The following DPP10 variants were observed in gnomAD, a reference collection of about 807,000 sequenced individuals.
The protein encoded by DPP10 is inactive dipeptidyl peptidase 10.
In DPP10, 33 loss-of-function variants were observed where a neutral mutation model predicts 120.9. The observed-to-expected ratio is 0.27, with a 90% CI of 0.21 to 0.37. The LOEUF is 0.37. Among genes scored for constraint, DPP10 ranks in the 10% least tolerant of loss-of-function variants. DPP10 has a pLI of 1.00. For synonymous variants in DPP10, 337 were observed against 326.1 expected (o/e 1.03, Z -0.36); for missense variants, 816 against 942.8 (o/e 0.87, Z 1.76).
rs2070635720 is a variant in DPP10, at chr2:115,428,020, A to G, written c.272-71490A>G. On this transcript the variant is annotated intron_variant, in intron 3 of 25. Coordinates refer to ENST00000410059, the MANE Select transcript of DPP10 (RefSeq NM_020868.6). ...CTCTCTGAAGTTCAAACTTCCACAG[A>G]TCCTTAGGGCATGAACAGAATCCAG... Among the ~76,000 whole-genome samples the G allele has an allele frequency of 5.9e-5, 9 of 152,268 alleles. No individual in the cohort carries two copies. The South Asian group carries it at 1.9e-3, about 32-fold the overall frequency.
At chr2:115,476,315 G>T (rs906677267) in intron 3 of DPP10, among the ~76,000 whole-genome samples, 1 of 152,082 alleles carries the variant, frequency 6.6e-6, no homozygotes, top group Non-Finnish European at 1.5e-5. Context: ...TTCTGCAGCC[G>T]TGTAAGACAT....
chr2:115,766,330 A>G (rs1465436394), intron 12 of DPP10, among the ~76,000 whole-genome samples: 35 of 88,190 alleles, frequency 4.0e-4, no homozygotes, highest in Middle Eastern at 6.0e-3. Context: ...ATATATGTAT[A>G]TATATATGTA....
intron 1 of DPP10, among the ~76,000 whole-genome samples, chr2:114,781,731 T>C (rs1465431725): frequency 6.6e-6 from 1 of 152,024 alleles, no homozygotes; most frequent in African/African-American, 2.4e-5. Context: ...ATGATCTTTT[T>C]CAAAAGGGCC....
intron 3 of DPP10, among the ~76,000 whole-genome samples, chr2:115,375,853 C>G (rs1053273088): frequency 6.6e-6 from 1 of 152,136 alleles, no homozygotes; most frequent in Non-Finnish European, 1.5e-5. Flanking sequence ...ATGAAAACAA[C>G]AAGAAGAAAA....
At chr2:115,796,884 CAGA>C (rs1684592214) in intron 19 of DPP10, among the ~76,000 whole-genome samples, 1 of 152,032 alleles carries the variant, frequency 6.6e-6, no homozygotes, top group African/African-American at 2.4e-5. Flanking sequence ...CCCAAGTTCA[CAGA>C]AGGAAAAGTT....
intron 24 of DPP10, among the ~76,000 whole-genome samples, chr2:115,837,988 T>C (rs1689709936): frequency 6.6e-6 from 1 of 152,002 alleles, no homozygotes; most frequent in Admixed American, 6.6e-5. Flanking sequence ...CAAGAAAAAC[T>C]AGTGCACCCC....
intron 3 of DPP10, among the ~76,000 whole-genome samples, chr2:115,423,295 A>G (rs2070149677): frequency 6.6e-6 from 1 of 152,128 alleles, no homozygotes; most frequent in Non-Finnish European, 1.5e-5. Flanking sequence ...GCCACATCTG[A>G]AGTACTCAAA....
chr2:115,316,062 A>C (rs1159930931), intron 2 of DPP10, among the ~76,000 whole-genome samples: 1 of 152,180 alleles, frequency 6.6e-6, no homozygotes, highest in Non-Finnish European at 1.5e-5. Context: ...TAATGTGTTT[A>C]GTTTTACAAG....
chr2:114,503,151 C>A (rs1247285445), intron 1 of DPP10, among the ~76,000 whole-genome samples: 1 of 152,228 alleles, frequency 6.6e-6, no homozygotes, highest in Admixed American at 6.5e-5. Context: ...TCACCAATAG[C>A]ATGGGGCTTC....
At chr2:115,335,817 T>G (rs890674978) in intron 2 of DPP10, among the ~76,000 whole-genome samples, 3 of 151,942 alleles carry the variant, frequency 2.0e-5, no homozygotes, top group Non-Finnish European at 4.4e-5. Context: ...AAATGAAGAA[T>G]ACGATTAAGA....
intron 3 of DPP10, among the ~76,000 whole-genome samples, chr2:115,465,557 TCA>T (rs1313821244): frequency 6.6e-5 from 10 of 152,308 alleles, no homozygotes; most frequent in Non-Finnish European, 7.4e-5. Context: ...GCATGGTGGC[TCA>T]CGCCTGTAAT....
At position 115,539,411 on chromosome 2, in the gene DPP10, A is replaced by ATT. The variant is rs143236103; in HGVS notation, c.441+13439_441+13440insTT. Among the ~76,000 whole-genome samples, 1,151 of 152,084 alleles carry ATT rather than the reference A, an allele frequency of 7.6e-3. 40 individuals are homozygous for ATT. The highest frequency in any genetic ancestry group is 0.07 in the East Asian group (359 of 5,146). ...TTAACACTTGTTTTTTCACTAATAG[A>ATT]AGGCCTAGTGTTGAAGTCAGTGAGC... On this transcript the variant is annotated intron_variant, in intron 5 of 25. Transcript: ENST00000410059.
At chr2:115,438,759 C>A (rs1421695944) in intron 3 of DPP10, among the ~76,000 whole-genome samples, 1 of 150,416 alleles carries the variant, frequency 6.6e-6, no homozygotes, top group Non-Finnish European at 1.5e-5. Flanking sequence ...GGAATAGTGG[C>A]TAAGATGGTC....
chr2:114,800,933 G>A (rs1002728129), intron 1 of DPP10, among the ~76,000 whole-genome samples: 1 of 90,124 alleles, frequency 1.1e-5, no homozygotes, highest in African/African-American at 4.1e-5. Flanking sequence ...GAAAAAAATG[G>A]GAATTAAAAA....
intron 1 of DPP10, among the ~76,000 whole-genome samples, chr2:114,653,023 A>AGTGTGTGTGTGT (rs1307967017): frequency 2.4e-4 from 25 of 102,632 alleles, no homozygotes; most frequent in African/African-American, 1.3e-3. Context: ...AGAGAGAGAG[A>AGTGTGTGTGTGT]GAGAGTGTGT....
Position 115,014,055 on chromosome 2 carries a change from C to G in DPP10, c.61-295184C>G, listed in dbSNP as rs6753597. On this transcript the variant is annotated intron_variant, in intron 1 of 25. Coordinates refer to ENST00000410059, the MANE Select transcript of DPP10 (RefSeq NM_020868.6). ...ACAGAATATACATTCTTCTGAGCAC[C>G]ACATCACACCTATTCTAAAATTGAC... Among the ~76,000 whole-genome samples, 1,050 of 152,236 alleles carry G rather than the reference C, an allele frequency of 6.9e-3. 7 individuals carry two copies. The highest frequency in any genetic ancestry group is 0.024 in the African/African-American group (1,007 of 41,528).
At chr2:114,564,290 A>T (rs1247271597) in intron 1 of DPP10, among the ~76,000 whole-genome samples, 1 of 152,102 alleles carries the variant, frequency 6.6e-6, no homozygotes. Flanking sequence ...CACAAGGCTA[A>T]GTTGCTATAT....
chr2:115,007,377 T>C (rs578048628), intron 1 of DPP10, among the ~76,000 whole-genome samples: 26 of 152,218 alleles, frequency 1.7e-4, no homozygotes, highest in East Asian at 1.4e-3. Context: ...TTCAACAACC[T>C]TTCATGCTAA....
At chr2:115,651,983 G>T (rs1476256379) in intron 5 of DPP10, among the ~76,000 whole-genome samples, 1 of 152,006 alleles carries the variant, frequency 6.6e-6, no homozygotes, top group African/African-American at 2.4e-5. Context: ...TTAAGAGGAT[G>T]CCTTATGATT....
Sources: gnomAD v4.1 joint callset for allele counts (sites outside exome capture counted in the v4.1 genomes callset) on GRCh38, gnomAD v4.1.1 for gene constraint, MANE v1.5 for transcripts, NCBI Gene and HGNC (gene_info 2026-07-23, HGNC 2026-07-21) for gene names.